The following AMPH variants were observed in gnomAD, a reference collection of about 807,000 sequenced individuals.
AMPH encodes the protein amphiphysin (Stiff-Mann syndrome with breast cancer 128kD autoantigen).
Under a neutral mutation model 99.1 loss-of-function variants are expected in AMPH, and 49 were observed. That is an observed-to-expected ratio of 0.49 (90% CI 0.39 to 0.63). AMPH has a LOEUF of 0.63. Among genes scored for constraint, AMPH ranks in the 20% least tolerant of loss-of-function variants. AMPH has a pLI of 0.00. For missense variants in AMPH, 759 were observed against 863.4 expected (o/e 0.88, Z 1.52); for synonymous variants, 314 against 317.3 (o/e 0.99, Z 0.11).
chr7:38,608,591 C>A (rs538839167), intron 1 of AMPH, among the ~76,000 whole-genome samples: 1 of 152,144 alleles, frequency 6.6e-6, no homozygotes, highest in Non-Finnish European at 1.5e-5. Context: ...CAGTTTTTGC[C>A]TTTGCTGTGT....
intron 13 of AMPH, among the ~76,000 whole-genome samples, chr7:38,431,269 T>C (rs1452592019): frequency 6.6e-6 from 1 of 152,220 alleles, no homozygotes; most frequent in Admixed American, 6.5e-5. Context: ...CTACATACTT[T>C]ACAATTATCT....
At chr7:38,508,967 A>G (rs1338533901) in intron 2 of AMPH, among the ~76,000 whole-genome samples, 1 of 152,220 alleles carries the variant, frequency 6.6e-6, no homozygotes, top group Non-Finnish European at 1.5e-5. Flanking sequence ...ACATTAGGCC[A>G]CTGAGCACTA....
In AMPH at chr7:38,538,181, A is replaced by G. The variant is rs184116205; in HGVS notation, c.70-3170T>C. 4.0e-3 allele frequency among the ~76,000 whole-genome samples: 608 copies of G among 152,336 alleles called. 6 individuals are homozygous for G. The highest frequency in any genetic ancestry group is 9.0e-3 in the African/African-American group (373 of 41,576). On this transcript the variant is annotated intron_variant, in intron 1 of 20. Transcript: ENST00000356264. The stretch of plus-strand genomic sequence containing the variant: ...CAATAGTTAGGGTCTCAGAGAAGAG[A>G]CTTACTCATCAAACAGGTAAATAGA...
At chr7:38,441,053 G>C (rs1156637556) in intron 11 of AMPH, among the ~76,000 whole-genome samples, 1 of 151,706 alleles carries the variant, frequency 6.6e-6, no homozygotes, top group Non-Finnish European at 1.5e-5. Flanking sequence ...GACACAAATA[G>C]GTTCAAAGTA....
intron 1 of AMPH, among the ~76,000 whole-genome samples, chr7:38,623,170 A>G (rs1049183784): frequency 6.6e-6 from 1 of 152,226 alleles, no homozygotes; most frequent in Non-Finnish European, 1.5e-5. Context: ...TCGAATATTT[A>G]AAGAAATGGG....
At chr7:38,593,497 T>A (rs900979638) in intron 1 of AMPH, among the ~76,000 whole-genome samples, 1 of 152,184 alleles carries the variant, frequency 6.6e-6, no homozygotes, top group South Asian at 2.1e-4. Flanking sequence ...AATGAAAATA[T>A]TAAAGGACCT....
chr7:38,432,105 G>A (rs749039270), intron 13 of AMPH, 84 bp downstream of exon 13: 3 of 1,187,390 alleles, frequency 2.5e-6, no homozygotes, highest in Admixed American at 3.4e-5. Flanking sequence ...TCTTCTTTCT[G>A]TTGCAAATGA....
At chr7:38,615,248 T>A (rs1290362642) in intron 1 of AMPH, among the ~76,000 whole-genome samples, 1 of 152,184 alleles carries the variant, frequency 6.6e-6, no homozygotes, top group East Asian at 1.9e-4. Flanking sequence ...AGCACCTACT[T>A]CATAGGTTCA....
intron 11 of AMPH, among the ~76,000 whole-genome samples, chr7:38,446,701 T>A (rs1786797086): frequency 6.6e-6 from 1 of 152,220 alleles, no homozygotes; most frequent in African/African-American, 2.4e-5. Context: ...TTATCTTGAT[T>A]CTGGTAATGG....
intron 5 of AMPH, among the ~76,000 whole-genome samples, chr7:38,478,996 T>A (rs1420290741): frequency 5.3e-5 from 8 of 152,098 alleles, no homozygotes. Flanking sequence ...TAAAATGGTC[T>A]AACATAATAT....
chr7:38,525,064 A>G (rs1293570842), intron 2 of AMPH, among the ~76,000 whole-genome samples: 1 of 151,962 alleles, frequency 6.6e-6, no homozygotes, highest in Non-Finnish European at 1.5e-5. Flanking sequence ...TAAGCCTATG[A>G]AAGGGGATAT....
intron 7 of AMPH, among the ~76,000 whole-genome samples, chr7:38,473,430 C>T (rs1249937170): frequency 3.0e-5 from 2 of 66,220 alleles, no homozygotes; most frequent in African/African-American, 1.4e-4. Context: ...GAAGGCCGGG[C>T]GCGGTGGCTC....
intron 2 of AMPH, among the ~76,000 whole-genome samples, chr7:38,509,993 G>A (rs983662209): frequency 2.0e-4 from 30 of 152,114 alleles, no homozygotes; most frequent in African/African-American, 6.8e-4. Flanking sequence ...GAGAAGGAAG[G>A]GCCTTAGCTA....
Position 38,451,294 on chromosome 7 carries a change from C to CATATATACACGTATATAT in AMPH, c.1017+9988_1017+9989insATATATACGTGTATATAT. 5.1e-5 allele frequency among the ~76,000 whole-genome samples: 7 copies of CATATATACACGTATATAT among 137,210 alleles called. No homozygotes were observed. In the Admixed American group the frequency reaches 5.3e-4, roughly 10 times the overall value. 90.0% of individuals were successfully genotyped at this position (137,210 alleles called of 152,430 possible). A position where few individuals can be genotyped will look rare whatever the true frequency, so the allele number is the denominator to read the frequency against. On this transcript the variant is annotated intron_variant, in intron 11 of 20. Transcript: ENST00000356264. ...ATATACATGTATATATACACATGCA[C>CATATATACACGTATATAT]ACATATATACGTGTGTATATACACA...
chr7:38,515,848 G>A (rs895311966), intron 2 of AMPH, among the ~76,000 whole-genome samples: 2 of 152,244 alleles, frequency 1.3e-5, no homozygotes, highest in Admixed American at 1.3e-4. Context: ...AGATGGAGAT[G>A]AGGAACTTAT....
intron 11 of AMPH, among the ~76,000 whole-genome samples, chr7:38,447,773 CACACA>C (rs1786847798): frequency 1.3e-5 from 2 of 149,458 alleles, no homozygotes; most frequent in African/African-American, 2.5e-5. Flanking sequence ...CACACACACA[CACACA>C]CCCATACACA....
chr7:38,600,129 A>C (rs79917426), intron 1 of AMPH, among the ~76,000 whole-genome samples: 3,370 of 152,278 alleles, frequency 0.022, 86 homozygotes, highest in East Asian at 0.088. Context: ...GTTTAAAAAA[A>C]TAAAAGATAA....
At chr7:38,460,511 C>T (rs868776940) in intron 11 of AMPH, among the ~76,000 whole-genome samples, 65 of 152,188 alleles carry the variant, frequency 4.3e-4, no homozygotes, top group African/African-American at 1.4e-3. Flanking sequence ...CACACACACA[C>T]TACTGAATCA....
intron 1 of AMPH, among the ~76,000 whole-genome samples, chr7:38,562,157 C>G (rs978021061): frequency 6.6e-6 from 1 of 151,784 alleles, no homozygotes; most frequent in Non-Finnish European, 1.5e-5. Flanking sequence ...TGAAAAAAGT[C>G]AGCAAGGTAA....
Sources: gnomAD v4.1 joint callset for allele counts (sites outside exome capture counted in the v4.1 genomes callset) on GRCh38, gnomAD v4.1.1 for gene constraint, MANE v1.5 for transcripts, NCBI Gene and HGNC (gene_info 2026-07-23, HGNC 2026-07-21) for gene names.